The following ANK2 variants were observed in gnomAD, a reference collection of about 807,000 sequenced individuals.
ANK2 encodes the protein ankyrin 2, also known as ankyrin-2.
In ANK2, 83 loss-of-function variants were observed where a neutral mutation model predicts 360.5. The ratio of observed to expected loss-of-function variants is 0.23; its 90% CI spans 0.19 to 0.28. The LOEUF (loss-of-function observed/expected upper bound fraction) is 0.28. ANK2 is among the 10% of genes least tolerant of loss of function. The pLI is 1.00. For missense variants in ANK2, 4,201 were observed against 4,795.7 expected (o/e 0.88, Z 3.66); for synonymous variants, 1,740 against 1,759.5 (o/e 0.99, Z 0.28).
intron 1 of ANK2, among the ~76,000 whole-genome samples, chr4:113,111,318 A>G (rs1208738114): frequency 6.6e-6 from 1 of 152,214 alleles, no homozygotes; most frequent in East Asian, 1.9e-4. Flanking sequence ...ACTTACCAAT[A>G]AAATTGTTTC....
At position 113,179,805 on chromosome 4, in the gene ANK2, G is replaced by GT. The variant is rs2098349017; in HGVS notation, c.186+5291dup. ...TAAACTGTATAGTATTTTAATAAAA[G>GT]TTTGTAGCCAGTTACAAGTCAATAA... On this transcript the variant is annotated intron_variant, in intron 2 of 45. Coordinates refer to ENST00000357077, the MANE Select transcript of ANK2 (RefSeq NM_001148.6). 2.0e-5 allele frequency among the ~76,000 whole-genome samples: 3 copies of GT among 152,164 alleles called. No individual in the cohort carries two copies. In the South Asian group the frequency reaches 6.2e-4, roughly 31 times the overall value.
intron 26 of ANK2, among the ~76,000 whole-genome samples, chr4:113,326,212 A>G (rs1386050109): frequency 6.6e-6 from 1 of 152,178 alleles, no homozygotes; most frequent in African/African-American, 2.4e-5. Context: ...ACCTGTCCAA[A>G]TAGTGGCACT....
At chr4:112,788,926 C>A in the ANK2 span, 36 of 627,176 alleles carry the variant, frequency 5.7e-5, no homozygotes, top group African/African-American at 6.1e-4. Flanking sequence ...ATATTATATA[C>A]TTCATCATCT....
intron 1 of ANK2, among the ~76,000 whole-genome samples, chr4:112,867,916 C>A (rs1194158076): frequency 6.6e-6 from 1 of 152,000 alleles, no homozygotes; most frequent in Non-Finnish European, 1.5e-5. Context: ...TGGATGTATA[C>A]CTATGAGTGT....
At chr4:113,216,491 C>T (rs2099087016) in intron 4 of ANK2, among the ~76,000 whole-genome samples, 1 of 152,200 alleles carries the variant, frequency 6.6e-6, no homozygotes, top group Non-Finnish European at 1.5e-5. Flanking sequence ...AGGTAAGAAT[C>T]CTGTTGATTG....
chr4:113,038,997 A>G (rs1406566443), intron 2 of ANK2, among the ~76,000 whole-genome samples: 6 of 152,012 alleles, frequency 3.9e-5, no homozygotes, highest in Non-Finnish European at 7.4e-5. Flanking sequence ...AGAAAAATGA[A>G]ATTATTTTAA....
At chr4:112,925,295 A>C (rs2092383634) in intron 2 of ANK2, among the ~76,000 whole-genome samples, 1 of 152,196 alleles carries the variant, frequency 6.6e-6, no homozygotes, top group South Asian at 2.1e-4. Context: ...AATGCAAAAA[A>C]CACCTAGATT....
At chr4:113,021,541 C>CACACATAT (rs1489947974) in intron 2 of ANK2, among the ~76,000 whole-genome samples, 9 of 95,570 alleles carry the variant, frequency 9.4e-5, no homozygotes, top group African/African-American at 3.4e-4. Flanking sequence ...CACACACAAA[C>CACACATAT]ATATATATAT....
chr4:112,974,653 T>G (rs1582311483), intron 2 of ANK2, among the ~76,000 whole-genome samples: 2 of 152,340 alleles, frequency 1.3e-5, no homozygotes, highest in Non-Finnish European at 2.9e-5. Flanking sequence ...GATTATCTCC[T>G]TTATCCTCAG....
At chr4:112,937,791 C>T (rs1367422546) in intron 2 of ANK2, among the ~76,000 whole-genome samples, 9 of 152,176 alleles carry the variant, frequency 5.9e-5, no homozygotes, top group Non-Finnish European at 1.2e-4. Flanking sequence ...GTACAAGAGA[C>T]CCTCAAATAG....
chr4:112,973,261 G>A (rs990412296), intron 2 of ANK2, among the ~76,000 whole-genome samples: 2 of 151,276 alleles, frequency 1.3e-5, no homozygotes, highest in African/African-American at 4.9e-5. Context: ...TGTCTTTCAT[G>A]ATTTTATTTT....
intron 37 of ANK2, chr4:113,350,646 GA>G (rs1167102337): frequency 5.2e-6 from 1 of 192,248 alleles, no homozygotes; most frequent in Non-Finnish European, 1.1e-5. Context: ...GACTTCTGTA[GA>G]GAGCTCATTA....
At position 113,165,188 on chromosome 4, in the gene ANK2, G is replaced by A. The variant is rs140147930; in HGVS notation, c.85-9228G>A. On this transcript the variant is annotated intron_variant, in intron 1 of 45. Transcript: ENST00000357077. The stretch of plus-strand genomic sequence containing the variant: ...GAGCTATCTAGCTAGTTGAAAATTG[G>A]GAAAGAGATTGGGTCTGTGATACAA... Among the ~76,000 whole-genome samples, 57 of 152,164 alleles carry A rather than the reference G, an allele frequency of 3.7e-4. 1 individual carries two copies. In the East Asian group the frequency reaches 0.01, roughly 27 times the overall value.
intron 2 of ANK2, among the ~76,000 whole-genome samples, chr4:112,938,449 T>G (rs17045133): frequency 0.012 from 1,765 of 152,358 alleles, 33 homozygotes; most frequent in African/African-American, 0.04. Flanking sequence ...AGATCATGCC[T>G]GAACTGTCTT....
intron 1 of ANK2, among the ~76,000 whole-genome samples, chr4:113,115,546 T>C (rs1204078852): frequency 6.6e-6 from 1 of 152,200 alleles, no homozygotes. Context: ...TGTACTACTG[T>C]GGAATGCATT....
At chr4:112,900,191 C>G (rs1392909509) in intron 1 of ANK2, among the ~76,000 whole-genome samples, 1 of 152,072 alleles carries the variant, frequency 6.6e-6, no homozygotes, top group Non-Finnish European at 1.5e-5. Context: ...AAGTGAACAC[C>G]AGACATTATG....
At chr4:113,030,156 T>C (rs1460820692) in intron 2 of ANK2, among the ~76,000 whole-genome samples, 4 of 152,014 alleles carry the variant, frequency 2.6e-5, no homozygotes, top group Non-Finnish European at 4.4e-5. Context: ...GTTTCATCTG[T>C]AGAACTAACA....
chr4:113,326,459 T>A (rs1175289695), intron 26 of ANK2, among the ~76,000 whole-genome samples: 1 of 152,000 alleles, frequency 6.6e-6, no homozygotes, highest in African/African-American at 2.4e-5. Flanking sequence ...ATTATTTGAG[T>A]CTAATTTGTT....
chr4:112,838,909 A>T (rs1022822836), intron 1 of ANK2, among the ~76,000 whole-genome samples: 1 of 150,354 alleles, frequency 6.7e-6, no homozygotes, highest in African/African-American at 2.4e-5. Context: ...TGCCTTTGGT[A>T]TTTCACTTTC....
Sources: gnomAD v4.1 joint callset for allele counts (sites outside exome capture counted in the v4.1 genomes callset) on GRCh38, gnomAD v4.1.1 for gene constraint, MANE v1.5 for transcripts, NCBI Gene and HGNC (gene_info 2026-07-23, HGNC 2026-07-21) for gene names.